Variants in TIAM1 observed in about 807,000 individuals in gnomAD.
TIAM1 encodes the protein rho guanine nucleotide exchange factor TIAM1.
TIAM1 carries 65 observed loss-of-function variants against 163.5 expected under a neutral mutation model. That is an observed-to-expected ratio of 0.40 (90% CI 0.33 to 0.49). The LOEUF (loss-of-function observed/expected upper bound fraction) is 0.49. TIAM1 is among the 20% of genes least tolerant of loss of function. TIAM1 has a pLI of 0.77. For synonymous variants in TIAM1, 833 were observed against 810.1 expected (o/e 1.03, Z -0.48); for missense variants, 1,789 against 2,044.7 (o/e 0.87, Z 2.41).
chr21:31,315,685 A>AAAAAAAAAAAAAAG (rs2075097104), intron 2 of TIAM1, among the ~76,000 whole-genome samples: 1 of 147,066 alleles, frequency 6.8e-6, no homozygotes, highest in Non-Finnish European at 1.5e-5. Context: ...ATCTCAAAAA[A>AAAAAAAAAAAAAAG]AAAAAAAAAA....
intron 26 of TIAM1, among the ~76,000 whole-genome samples, chr21:31,126,263 G>C (rs1362088646): frequency 6.7e-6 from 1 of 148,186 alleles, no homozygotes; most frequent in Non-Finnish European, 1.5e-5. Context: ...GTAAATCACT[G>C]AGTATCTACG....
intron 2 of TIAM1, among the ~76,000 whole-genome samples, chr21:31,386,876 C>T (rs1302832969): frequency 6.6e-6 from 1 of 152,176 alleles, no homozygotes; most frequent in Admixed American, 6.5e-5. Context: ...GGAATGGATG[C>T]TGGGAGCTTA....
chr21:31,248,991 T>G (rs2071650467), intron 5 of TIAM1, among the ~76,000 whole-genome samples: 1 of 152,220 alleles, frequency 6.6e-6, no homozygotes, highest in Admixed American at 6.5e-5. Flanking sequence ...CTAATCATTT[T>G]TATTTTATGC....
At chr21:31,481,106 G>T (rs2046095816) in intron 1 of TIAM1, among the ~76,000 whole-genome samples, 1 of 152,122 alleles carries the variant, frequency 6.6e-6, no homozygotes, top group African/African-American at 2.4e-5. Flanking sequence ...CATGATTGAG[G>T]TGCTGTCTGC....
chr21:31,359,643 G>A (rs1032632452), intron 2 of TIAM1, among the ~76,000 whole-genome samples: 4 of 151,936 alleles, frequency 2.6e-5, no homozygotes, highest in Non-Finnish European at 4.4e-5. Flanking sequence ...CAAAAATTTA[G>A]CAGGGCATGG....
At chr21:31,475,083 A>C (rs2045895603) in intron 1 of TIAM1, among the ~76,000 whole-genome samples, 1 of 144,064 alleles carries the variant, frequency 6.9e-6, no homozygotes, top group African/African-American at 2.5e-5. Flanking sequence ...ACAAGGTCTT[A>C]CTCTGTCTCC....
At chr21:31,391,535 G>T (rs1456344166) in intron 2 of TIAM1, among the ~76,000 whole-genome samples, 2 of 152,138 alleles carry the variant, frequency 1.3e-5, no homozygotes, top group Admixed American at 6.5e-5. Flanking sequence ...TGAGGCAGGA[G>T]AATCGCTTGA....
intron 1 of TIAM1, among the ~76,000 whole-genome samples, chr21:31,503,980 C>A (rs1228822568): frequency 1.3e-5 from 2 of 152,092 alleles, no homozygotes; most frequent in African/African-American, 4.8e-5. Context: ...TCCACTTTCC[C>A]AGAGCAGATC....
chr21:31,472,873 G>A (rs76440092), intron 1 of TIAM1, among the ~76,000 whole-genome samples: 2,697 of 152,296 alleles, frequency 0.018, 70 homozygotes, highest in African/African-American at 0.059. Context: ...CATGGCGTAC[G>A]CATCAGAAAT....
At chr21:31,489,599 G>A (rs1021488734) in intron 1 of TIAM1, among the ~76,000 whole-genome samples, 1 of 151,666 alleles carries the variant, frequency 6.6e-6, no homozygotes, top group African/African-American at 2.4e-5. Flanking sequence ...GATGGGAGGG[G>A]CCACCCTGGG....
At chr21:31,210,984 C>CATATTT (rs10600411) in intron 10 of TIAM1, among the ~76,000 whole-genome samples, 24 of 150,902 alleles carry the variant, frequency 1.6e-4, no homozygotes, top group African/African-American at 2.5e-4. Context: ...TTTAGCACTA[C>CATATTT]ATATTTATAT....
chr21:31,137,157 G>A (rs1449332247), intron 22 of TIAM1, among the ~76,000 whole-genome samples: 1 of 152,206 alleles, frequency 6.6e-6, no homozygotes, highest in Non-Finnish European at 1.5e-5. Context: ...AAATCTAGCT[G>A]GGTTTCCTAT....
At chr21:31,303,225 G>A (rs1470532862) in intron 2 of TIAM1, among the ~76,000 whole-genome samples, 2 of 152,144 alleles carry the variant, frequency 1.3e-5, no homozygotes, top group Non-Finnish European at 2.9e-5. Context: ...CCTATGACTA[G>A]GAACTCTTCC....
intron 2 of TIAM1, among the ~76,000 whole-genome samples, chr21:31,401,212 A>G (rs987785950): frequency 3.3e-5 from 5 of 152,216 alleles, no homozygotes; most frequent in Admixed American, 3.3e-4. Flanking sequence ...CAAAAGCATG[A>G]ATGAAAGTAT....
Position 31,425,615 on chromosome 21 carries a change from TTCCCTCCC to T in TIAM1, c.-369+38360_-369+38367del, listed in dbSNP as rs149872196. Among the ~76,000 whole-genome samples the T allele has an allele frequency of 3.8e-3, 511 of 133,348 alleles. 4 individuals are homozygous for T. The highest frequency in any genetic ancestry group is 0.012 in the Middle Eastern group (3 of 250). The allele number at this position is 133,348 out of a possible 152,430, so 87.5% of individuals were successfully genotyped here. A position where few individuals can be genotyped will look rare whatever the true frequency, so the allele number is the denominator to read the frequency against. ...TTTTTTTTTTACATTTTTATTTCAA[TTCCCTCCC>T]TCCCTCCCTCCCTCCCTCTCTCCCT... On this transcript the variant is annotated intron_variant, in intron 2 of 28. Transcript: ENST00000286827.
rs869158026 is a variant in TIAM1 at position 31,148,956 on chromosome 21, C to CTTTTTTTTTTTTT, written c.3367-1954_3367-1953insAAAAAAAAAAAAA. ...AGTTTGAAGATTTTAACAAGTTTTT[C>CTTTTTTTTTTTTT]TTTTTCTTTTTTTTTTGGTCAAATA... On this transcript the variant is annotated intron_variant, in intron 19 of 27. Transcript: ENST00000541036. 6.2e-4 allele frequency among the ~76,000 whole-genome samples: 18 copies of CTTTTTTTTTTTTT among 28,838 alleles called. 1 individual carries two copies. The highest frequency in any genetic ancestry group is 1.5e-3 in the African/African-American group (16 of 10,698). The allele number at this position is 28,838 out of a possible 152,430, so 18.9% of individuals were successfully genotyped here. A position where few individuals can be genotyped will look rare whatever the true frequency, so the allele number is the denominator to read the frequency against.
chr21:31,444,135 T>C (rs743415), intron 2 of TIAM1, among the ~76,000 whole-genome samples: 9,699 of 152,216 alleles, frequency 0.064, 553 homozygotes, highest in African/African-American at 0.15. Flanking sequence ...AGCAGCGGGA[T>C]CTGTGTTTAT....
intron 2 of TIAM1, among the ~76,000 whole-genome samples, chr21:31,278,561 G>C (rs2073406061): frequency 6.6e-6 from 1 of 152,178 alleles, no homozygotes; most frequent in South Asian, 2.1e-4. Flanking sequence ...ACTTTGAGCA[G>C]GAATATGAAG....
chr21:31,538,334 G>T (rs951684889), intron 1 of TIAM1, among the ~76,000 whole-genome samples: 7 of 152,168 alleles, frequency 4.6e-5, no homozygotes, highest in African/African-American at 1.7e-4. Flanking sequence ...CATGAGGCCA[G>T]AAGTTTGAGA....
Sources: gnomAD v4.1 joint callset for allele counts (sites outside exome capture counted in the v4.1 genomes callset) on GRCh38, gnomAD v4.1.1 for gene constraint, MANE v1.5 for transcripts, NCBI Gene and HGNC (gene_info 2026-07-23, HGNC 2026-07-21) for gene names.